PARD3: variants seen among roughly 807,000 people sequenced by gnomAD.
The protein encoded by PARD3 is par-3 family cell polarity regulator.
A neutral mutation model predicts 155.4 loss-of-function variants in PARD3; 75 were observed. That is an observed-to-expected ratio of 0.48 (90% CI 0.40 to 0.58). The LOEUF (loss-of-function observed/expected upper bound fraction) is 0.58, where lower values mean the gene tolerates loss of function less well. Among genes scored for constraint, PARD3 ranks in the 20% least tolerant of loss-of-function variants. PARD3 has a pLI of 0.00. For synonymous variants in PARD3, 576 were observed against 610.5 expected, an observed-to-expected ratio of 0.94 and a Z score of 0.83; for missense variants, 1,642 against 1,721.7, an observed-to-expected ratio of 0.95 and a Z score of 0.82.
intron 1 of PARD3, among the ~76,000 whole-genome samples, chr10:34,808,629 T>C (rs1199924508): frequency 3.3e-5 from 5 of 152,116 alleles, no homozygotes; most frequent in Non-Finnish European, 5.9e-5. Context: ...ATCTTACATG[T>C]TTATTTCCAT....
At chr10:34,811,530 G>A (rs1444763897) in intron 1 of PARD3, among the ~76,000 whole-genome samples, 1 of 152,044 alleles carries the variant, frequency 6.6e-6, no homozygotes, top group Non-Finnish European at 1.5e-5. Context: ...AAATCCTAGT[G>A]ACTAAATGAG....
rs7897029 is a variant in PARD3 at position 34,772,970 on chromosome 10, C to A, written c.120+41906G>T. 7.0e-3 allele frequency among the ~76,000 whole-genome samples: 1,072 copies of A among 152,160 alleles called. 13 individuals are homozygous for A. The highest frequency in any genetic ancestry group is 0.025 in the African/African-American group (1,043 of 41,486). ...TTACCAAAATTACTTCTCATTCATA[C>A]CCAGGCATCTTGGAAAGCTACATCC... On this transcript the variant is annotated intron_variant, in intron 1 of 24. Transcript: ENST00000374788.
intron 21 of PARD3, among the ~76,000 whole-genome samples, chr10:34,271,356 G>A (rs1441015): frequency 0.56 from 85,601 of 151,864 alleles, 25,072 homozygotes; most frequent in African/African-American, 0.73. Context: ...ATTATACACC[G>A]TGACCAAATG....
intron 2 of PARD3, among the ~76,000 whole-genome samples, chr10:34,528,798 A>G (rs1258716905): frequency 6.6e-6 from 1 of 152,164 alleles, no homozygotes; most frequent in African/African-American, 2.4e-5. Flanking sequence ...GGGTATGGAG[A>G]AGGACTAGGA....
chr10:34,633,524 C>A (rs1405659364), intron 2 of PARD3, among the ~76,000 whole-genome samples: 1 of 152,200 alleles, frequency 6.6e-6, no homozygotes, highest in Admixed American at 6.5e-5. Context: ...GACAGAAGTT[C>A]TTCCTGTTTT....
chr10:34,695,186 A>T (rs115241162), intron 2 of PARD3, among the ~76,000 whole-genome samples: 2,046 of 152,294 alleles, frequency 0.013, 55 homozygotes, highest in African/African-American at 0.046. Context: ...ATACAAAAGG[A>T]GTGGCCAGGG....
At chr10:34,631,387 G>A (rs1282029014) in intron 2 of PARD3, among the ~76,000 whole-genome samples, 1 of 152,066 alleles carries the variant, frequency 6.6e-6, no homozygotes, top group Non-Finnish European at 1.5e-5. Context: ...ACATTCTCAA[G>A]GCCAAGTCAT....
chr10:34,746,677 A>C (rs1196578787), intron 1 of PARD3, among the ~76,000 whole-genome samples: 2 of 151,298 alleles, frequency 1.3e-5, no homozygotes, highest in Non-Finnish European at 2.9e-5. Context: ...AAAATTATGA[A>C]AGACGCTCAA....
intron 2 of PARD3, among the ~76,000 whole-genome samples, chr10:34,663,382 C>T: frequency 6.6e-6 from 1 of 152,102 alleles, no homozygotes; most frequent in Admixed American, 6.5e-5. Context: ...AGGAGAATTG[C>T]TTGAACTCGG....
At chr10:34,454,473 A>G (rs1169154547) in intron 4 of PARD3, among the ~76,000 whole-genome samples, 1 of 152,190 alleles carries the variant, frequency 6.6e-6, no homozygotes, top group African/African-American at 2.4e-5. Flanking sequence ...CAATCTATTC[A>G]AGACTATATA....
intron 1 of PARD3, among the ~76,000 whole-genome samples, chr10:34,793,073 A>T (rs1427179651): frequency 6.6e-6 from 1 of 152,204 alleles, no homozygotes; most frequent in Non-Finnish European, 1.5e-5. Flanking sequence ...CAGCAGTGGC[A>T]CTTGGTGTGG....
chr10:34,449,733 A>C (rs1438151262), intron 5 of PARD3, among the ~76,000 whole-genome samples: 1 of 152,190 alleles, frequency 6.6e-6, no homozygotes, highest in East Asian at 1.9e-4. Context: ...ATTATTTCTG[A>C]GTGGTAAACA....
intron 1 of PARD3, among the ~76,000 whole-genome samples, chr10:34,724,222 G>A (rs573778638): frequency 1.3e-5 from 2 of 152,048 alleles, no homozygotes; most frequent in African/African-American, 2.4e-5. Flanking sequence ...ATCTCTCAGG[G>A]TATTTTTTTT....
chr10:34,373,683 G>C (rs1185197054), intron 11 of PARD3, among the ~76,000 whole-genome samples: 2 of 151,984 alleles, frequency 1.3e-5, no homozygotes, highest in African/African-American at 4.8e-5. Flanking sequence ...TAAATATAAA[G>C]AAGTTTTCAT....
intron 3 of PARD3, among the ~76,000 whole-genome samples, chr10:34,489,694 A>C (rs1052858686): frequency 6.6e-6 from 1 of 152,224 alleles, no homozygotes; most frequent in Non-Finnish European, 1.5e-5. Context: ...CTCCTCCTTA[A>C]GGAAAGAGTA....
chr10:34,341,937 G>A, intron 15 of PARD3, 121 bp from the exon 16 acceptor site: 1 of 583,484 alleles, frequency 1.7e-6, no homozygotes. Context: ...GCTCAACCTG[G>A]TAGAACAAAA....
chr10:34,370,806 G>GC (rs1468886866), intron 12 of PARD3, among the ~76,000 whole-genome samples: 7 of 97,062 alleles, frequency 7.2e-5, no homozygotes, highest in African/African-American at 2.8e-4. Flanking sequence ...GATACAAATG[G>GC]GGTGTGTGTG....
At position 34,304,049 on chromosome 10, in the gene PARD3, G is replaced by C. The variant is rs192107482; in HGVS notation, c.3065+13058C>G. Among the ~76,000 whole-genome samples the C allele has an allele frequency of 4.1e-4, 62 of 152,292 alleles. 2 individuals are homozygous for C. The highest frequency in any genetic ancestry group is 4.1e-3 in the Admixed American group (62 of 15,294). On this transcript the variant is annotated intron_variant, in intron 20 of 24. Transcript: ENST00000374788. ...GAGCCACCTAGAAGGAAGAGAGCCG[G>C]AGGAAAGAGGGCATTGTTTTAAAAT... is the stretch of plus-strand genomic sequence containing the variant.
intron 2 of PARD3, among the ~76,000 whole-genome samples, chr10:34,609,376 G>A (rs138317508): frequency 6.6e-6 from 1 of 152,294 alleles, no homozygotes; most frequent in Non-Finnish European, 1.5e-5. Context: ...GGCAGGTTTT[G>A]TAAAAATGGA....
Sources: gnomAD v4.1 joint callset for allele counts (sites outside exome capture counted in the v4.1 genomes callset) on GRCh38, gnomAD v4.1.1 for gene constraint, MANE v1.5 for transcripts, NCBI Gene and HGNC (gene_info 2026-07-23, HGNC 2026-07-21) for gene names.